Variants in CNTN3 observed in about 807,000 individuals in gnomAD.
The protein encoded by CNTN3 is contactin 3, also known as contactin-3.
In CNTN3, 60 loss-of-function variants were observed where a neutral mutation model predicts 119.1. That is an observed-to-expected ratio of 0.50 (90% confidence interval 0.41 to 0.62). The LOEUF (loss-of-function observed/expected upper bound fraction) is 0.62, where lower values mean the gene tolerates loss of function less well. Ranked by LOEUF, CNTN3 falls within the 20% of genes least tolerant of loss-of-function variation. CNTN3 has a pLI of 0.00. For synonymous variants in CNTN3, 450 were observed against 438.7 expected, an observed-to-expected ratio of 1.03 and a Z score of -0.32; for missense variants, 1,101 against 1,242.4, an observed-to-expected ratio of 0.89 and a Z score of 1.71.
rs200657869 is a variant in CNTN3 at position 74,454,529 on chromosome 3, T to C, written c.359-29589A>G. Among the ~76,000 whole-genome samples the C allele has an allele frequency of 4.0e-3, 616 of 152,238 alleles. 33 individuals are homozygous for C. In the East Asian group the frequency reaches 0.11, roughly 26 times the overall value. On this transcript the variant is annotated intron_variant, in intron 4 of 22. Coordinates refer to ENST00000263665, the MANE Select transcript of CNTN3 (RefSeq NM_020872.3). Reference sequence around the variant, plus strand: ...CATTTACTTTTAAAGTTAATATTGTTATGTGTGAATTTGATCCTGTCATTA... The same window carrying C: ...CATTTACTTTTAAAGTTAATATTGTCATGTGTGAATTTGATCCTGTCATTA...
intron 4 of CNTN3, among the ~76,000 whole-genome samples, chr3:74,429,525 T>C (rs968955241): frequency 6.6e-6 from 1 of 152,198 alleles, no homozygotes; most frequent in South Asian, 2.1e-4. Context: ...CATAAAACTA[T>C]AGAACTTTTA....
chr3:74,299,856 C>T lies in CNTN3; in HGVS notation c.2166+12G>A, dbSNP rs760404502. On this transcript the variant is annotated intron_variant, in intron 17 of 22. Transcript: ENST00000263665. Reference sequence around the variant, plus strand: ...AAGACCCTGATGGGGAAGATGCTGCCCAAACACTTACATCCCAGGTTATCA... The same window carrying T: ...AAGACCCTGATGGGGAAGATGCTGCTCAAACACTTACATCCCAGGTTATCA... 1.1e-5 allele frequency: 17 copies of T among 1,603,068 alleles called. No homozygotes were observed. The South Asian group carries it at 1.8e-4, about 17-fold the overall frequency.
intron 1 of CNTN3, among the ~76,000 whole-genome samples, chr3:74,588,744 G>T (rs1036092703): frequency 6.6e-6 from 1 of 152,090 alleles, no homozygotes; most frequent in Non-Finnish European, 1.5e-5. Context: ...CATGGTACTG[G>T]TACCAAAACA....
intron 1 of CNTN3, among the ~76,000 whole-genome samples, chr3:74,533,256 C>T (rs765108243): frequency 5.9e-5 from 9 of 152,058 alleles, no homozygotes; most frequent in Admixed American, 2.0e-4. Context: ...CAACTGCGTA[C>T]TACCACCACA....
At position 74,595,158 on chromosome 3, in the gene CNTN3, A is replaced by G. The variant is rs928068031; in HGVS notation, c.-81+19233T>C. On this transcript the variant is annotated intron_variant, in intron 1 of 22. Coordinates refer to ENST00000263665, the MANE Select transcript of CNTN3 (RefSeq NM_020872.3). ...TTGATGCGGCTGTTTTTTTCTTGTAAATTGGTTTGAGTTCATTGTAGATTC... is the reference window on the plus strand; with the variant it reads ...TTGATGCGGCTGTTTTTTTCTTGTAGATTGGTTTGAGTTCATTGTAGATTC... 4.5e-4 allele frequency among the ~76,000 whole-genome samples: 68 copies of G among 151,496 alleles called. 1 individual carries two copies. The highest frequency in any genetic ancestry group is 1.6e-3 in the African/African-American group (66 of 41,036).
chr3:74,511,460 C>T (rs1037104424), intron 2 of CNTN3, among the ~76,000 whole-genome samples: 1 of 152,004 alleles, frequency 6.6e-6, no homozygotes. Flanking sequence ...AGTATAATAC[C>T]ACTTTATCAG....
chr3:74,274,995 A>G (rs1243025011), intron 20 of CNTN3, among the ~76,000 whole-genome samples: 1 of 152,178 alleles, frequency 6.6e-6, no homozygotes, highest in East Asian at 1.9e-4. Context: ...ACACATATAT[A>G]GAAATGCAAA....
chr3:74,494,100 A>G (rs1284264386), intron 3 of CNTN3, among the ~76,000 whole-genome samples: 2 of 152,192 alleles, frequency 1.3e-5, no homozygotes, highest in South Asian at 2.1e-4. Flanking sequence ...CCCTGCAGCC[A>G]TCTTAGCTTT....
intron 2 of CNTN3, among the ~76,000 whole-genome samples, chr3:74,500,807 A>G (rs1703154134): frequency 6.6e-6 from 1 of 152,126 alleles, no homozygotes; most frequent in South Asian, 2.1e-4. Flanking sequence ...AGCAGCTGCT[A>G]AAGCTGAAAT....
chr3:74,478,410 A>G (rs997368560), intron 4 of CNTN3, among the ~76,000 whole-genome samples: 6 of 152,066 alleles, frequency 3.9e-5, no homozygotes, highest in African/African-American at 1.4e-4. Context: ...GGGTAAGGAG[A>G]GGCTGTCTGA....
At chr3:74,287,757 G>T (rs2106787477) in intron 19 of CNTN3, among the ~76,000 whole-genome samples, 1 of 152,252 alleles carries the variant, frequency 6.6e-6, no homozygotes, top group African/African-American at 2.4e-5. Context: ...AGGGTGGAAG[G>T]AAAGAGAGGC....
intron 2 of CNTN3, among the ~76,000 whole-genome samples, chr3:74,515,108 A>G (rs372598031): frequency 2.6e-5 from 4 of 152,100 alleles, no homozygotes; most frequent in African/African-American, 9.7e-5. Context: ...CCTCTAGTTA[A>G]TAGAGGAAGG....
chr3:74,467,811 G>GA (rs1385407669), intron 4 of CNTN3, among the ~76,000 whole-genome samples: 2 of 152,050 alleles, frequency 1.3e-5, no homozygotes, highest in East Asian at 1.9e-4. Flanking sequence ...AGAAGTGACA[G>GA]AAAAAATCCC....
intron 5 of CNTN3, among the ~76,000 whole-genome samples, chr3:74,400,534 C>A (rs73112727): frequency 6.6e-6 from 1 of 152,132 alleles, no homozygotes; most frequent in Non-Finnish European, 1.5e-5. Flanking sequence ...AAGTTTTATA[C>A]GAACGTGCAC....
At chr3:74,609,377 C>T (rs555687979) in intron 1 of CNTN3, among the ~76,000 whole-genome samples, 1 of 152,290 alleles carries the variant, frequency 6.6e-6, no homozygotes, top group East Asian at 1.9e-4. Context: ...GTGAGAAGTA[C>T]TTAAAACCCA....
At chr3:74,597,327 A>C (rs868404185) in intron 1 of CNTN3, among the ~76,000 whole-genome samples, 3 of 151,976 alleles carry the variant, frequency 2.0e-5, no homozygotes, top group African/African-American at 7.2e-5. Context: ...AACTCTCTGC[A>C]CTCAAAGATC....
At chr3:74,574,644 T>G (rs1452664288) in intron 1 of CNTN3, among the ~76,000 whole-genome samples, 4 of 152,218 alleles carry the variant, frequency 2.6e-5, no homozygotes, top group East Asian at 1.9e-4. Flanking sequence ...TTTTTCCCAG[T>G]GCTACACATA....
At chr3:74,584,584 A>G (rs1006035445) in intron 1 of CNTN3, among the ~76,000 whole-genome samples, 7 of 152,080 alleles carry the variant, frequency 4.6e-5, no homozygotes, top group Non-Finnish European at 7.3e-5. Flanking sequence ...CTTCTTGTAC[A>G]GTCTGCAGAT....
chr3:74,322,620 G>T (rs1703023472), intron 13 of CNTN3, among the ~76,000 whole-genome samples: 1 of 152,156 alleles, frequency 6.6e-6, no homozygotes, highest in African/African-American at 2.4e-5. Context: ...CCTACCATAA[G>T]ATCCAGCAAT....
Sources: allele counts gnomAD v4.1 joint callset (sites outside exome capture counted in the v4.1 genomes callset), GRCh38; gene constraint gnomAD v4.1.1; transcripts MANE v1.5; gene names NCBI Gene and HGNC (gene_info 2026-07-23, HGNC 2026-07-21).